ADAMTSL1: variants seen among roughly 807,000 people sequenced by gnomAD.
The protein encoded by ADAMTSL1 is ADAMTS-like protein 1.
Under a neutral mutation model 201.8 loss-of-function variants are expected in ADAMTSL1, and 126 were observed. That is an observed-to-expected ratio of 0.62 (90% CI 0.54 to 0.72). The LOEUF (loss-of-function observed/expected upper bound fraction) is 0.72, where lower values mean the gene tolerates loss of function less well. ADAMTSL1 is among the 30% of genes least tolerant of loss of function. ADAMTSL1 has a pLI of 0.00. For missense variants in ADAMTSL1, 2,679 were observed against 2,277.8 expected (o/e 1.18, Z -3.59); for synonymous variants, 1,121 against 903.4 (o/e 1.24, Z -4.32).
chr9:18,348,160 T>C (rs1226552007), intron 2 of ADAMTSL1, among the ~76,000 whole-genome samples: 2 of 152,184 alleles, frequency 1.3e-5, no homozygotes, highest in Non-Finnish European at 2.9e-5. Context: ...ATAGCCATTG[T>C]TGCTAATAGG....
At chr9:18,045,015 C>T (rs1343673212) in intron 1 of ADAMTSL1, among the ~76,000 whole-genome samples, 1 of 151,962 alleles carries the variant, frequency 6.6e-6, no homozygotes, top group Non-Finnish European at 1.5e-5. Context: ...AGGCCAAAGC[C>T]CTGTAGTGAG....
In ADAMTSL1 at chr9:18,817,288, G is replaced by C; in HGVS notation, c.3934+51G>C. 2.0e-6 allele frequency: 3 copies of C among 1,524,496 alleles called. No homozygotes were observed. In the East Asian group the frequency reaches 7.5e-5, roughly 38 times the overall value. The allele number at this position is 1,524,496 out of a possible 1,614,324, so 94.4% of individuals were successfully genotyped here. A position where few individuals can be genotyped will look rare whatever the true frequency, so the allele number is the denominator to read the frequency against. Reference sequence around the variant, plus strand: ...ACACGTTAATGGAGCCCTGTGCTAGGTTGGGGATACAAAGACAAATTAGAC... The same window carrying C: ...ACACGTTAATGGAGCCCTGTGCTAGCTTGGGGATACAAAGACAAATTAGAC... On this transcript the variant is annotated intron_variant, in intron 21 of 28. Transcript: ENST00000380548.
intron 2 of ADAMTSL1, among the ~76,000 whole-genome samples, chr9:18,253,768 C>T (rs75552987): frequency 0.014 from 2,125 of 152,148 alleles, 18 homozygotes; most frequent in Non-Finnish European, 0.022. Context: ...GTAGGAGCAG[C>T]CCCATAATTT....
chr9:18,185,538 A>T (rs1037971777), intron 2 of ADAMTSL1, among the ~76,000 whole-genome samples: 1 of 152,186 alleles, frequency 6.6e-6, no homozygotes, highest in Non-Finnish European at 1.5e-5. Context: ...GTAATTTGTT[A>T]TGCAGCATGG....
intron 23 of ADAMTSL1, among the ~76,000 whole-genome samples, chr9:18,863,973 T>C (rs1827359211): frequency 6.6e-6 from 1 of 152,198 alleles, no homozygotes; most frequent in Non-Finnish European, 1.5e-5. Context: ...TAAGTTTAAC[T>C]CTGTGAAAAA....
chr9:18,881,547 C>G (rs1446958920), intron 23 of ADAMTSL1, among the ~76,000 whole-genome samples: 1 of 152,038 alleles, frequency 6.6e-6, no homozygotes, highest in Non-Finnish European at 1.5e-5. Context: ...TCATGGTACC[C>G]CAAAACAATT....
intron 2 of ADAMTSL1, among the ~76,000 whole-genome samples, chr9:18,180,581 A>T (rs1242605769): frequency 3.3e-5 from 5 of 151,014 alleles, no homozygotes; most frequent in Non-Finnish European, 1.5e-5. Flanking sequence ...CTTACCAGGG[A>T]TGTGAAGGAC....
chr9:18,586,132 AG>A lies in ADAMTSL1; in HGVS notation c.474+11867del, dbSNP rs376246908. ...AAAGATAAAAAGCATCCAAATAGGA[AG>A]AAAGGAAGTCACACTATCTCTGTTT... On this transcript the variant is annotated intron_variant, in intron 4 of 28. Coordinates refer to ENST00000380548, the MANE Select transcript of ADAMTSL1 (RefSeq NM_001040272.6). Among the ~76,000 whole-genome samples the A allele has an allele frequency of 7.5e-3, 1,150 of 152,320 alleles. 15 individuals are homozygous for A. The highest frequency in any genetic ancestry group is 0.027 in the African/African-American group (1,106 of 41,560).
rs1301954008 is a variant in ADAMTSL1, at chr9:17,924,563, A to G, written c.87+17641A>G. Among the ~76,000 whole-genome samples, 4 of 150,566 alleles carry G rather than the reference A, an allele frequency of 2.7e-5. No individual in the cohort carries two copies. The East Asian group carries it at 7.8e-4, about 29-fold the overall frequency. On this transcript the variant is annotated intron_variant, in intron 1 of 29. Coordinates refer to the ADAMTSL1 transcript ENST00000680146. ...GAAATAACGCCGCATACCTACAACT[A>G]TCTGATCTTTGACAAACCTGAGAAA...
intron 1 of ADAMTSL1, among the ~76,000 whole-genome samples, chr9:17,998,743 A>G (rs1455946636): frequency 6.6e-6 from 1 of 152,000 alleles, no homozygotes; most frequent in East Asian, 1.9e-4. Context: ...CCTGTCTAGG[A>G]GGTAGGCTTC....
intron 19 of ADAMTSL1, among the ~76,000 whole-genome samples, chr9:18,778,549 T>A (rs1011877015): frequency 6.6e-6 from 1 of 152,320 alleles, no homozygotes; most frequent in South Asian, 2.1e-4. Flanking sequence ...TAATGTAGAA[T>A]CAATAGTGGT....
At chr9:18,371,282 C>G (rs958164303) in intron 2 of ADAMTSL1, among the ~76,000 whole-genome samples, 1 of 152,246 alleles carries the variant, frequency 6.6e-6, no homozygotes. Flanking sequence ...TTCAGCATAG[C>G]TATCATGCAT....
At chr9:18,342,830 C>T (rs1016546407) in intron 2 of ADAMTSL1, among the ~76,000 whole-genome samples, 1 of 152,116 alleles carries the variant, frequency 6.6e-6, no homozygotes, top group African/African-American at 2.4e-5. Flanking sequence ...TTAAAAGAAA[C>T]TGGACTCAAG....
intron 21 of ADAMTSL1, among the ~76,000 whole-genome samples, chr9:18,824,847 A>G (rs550596998): frequency 2.6e-4 from 40 of 151,812 alleles, no homozygotes; most frequent in South Asian, 6.3e-4. Context: ...ACAGGTGCCC[A>G]CCACCATGCC....
At chr9:18,285,897 G>C (rs1201863830) in intron 2 of ADAMTSL1, among the ~76,000 whole-genome samples, 1 of 151,964 alleles carries the variant, frequency 6.6e-6, no homozygotes, top group East Asian at 1.9e-4. Flanking sequence ...CAATTGACTG[G>C]GTTTTTTAGC....
intron 14 of ADAMTSL1, among the ~76,000 whole-genome samples, chr9:18,711,919 C>T (rs866783844): frequency 6.8e-6 from 1 of 147,354 alleles, no homozygotes; most frequent in South Asian, 2.1e-4. Context: ...CAGACTGCCT[C>T]CTCAAGTGGG....
In ADAMTSL1 at chr9:18,691,878, A is replaced by C. The variant is rs1381917356; in HGVS notation, c.1574+7078A>C. Among the ~76,000 whole-genome samples, 4 of 152,188 alleles carry C rather than the reference A, an allele frequency of 2.6e-5. No homozygotes were observed. The South Asian group carries it at 6.2e-4, about 24-fold the overall frequency. On this transcript the variant is annotated intron_variant, in intron 13 of 28. Transcript: ENST00000380548. Reference sequence around the variant, plus strand: ...TATGCAGGAAGTGCTATGTATATAAATTTTTGTTGTGATTAGGCCTTTTCT... The same window carrying C: ...TATGCAGGAAGTGCTATGTATATAACTTTTTGTTGTGATTAGGCCTTTTCT...
At chr9:18,061,691 T>C (rs974929387) in intron 1 of ADAMTSL1, among the ~76,000 whole-genome samples, 2 of 152,230 alleles carry the variant, frequency 1.3e-5, no homozygotes, top group African/African-American at 2.4e-5. Context: ...CTCATTGAAA[T>C]GAATTTGTCT....
intron 1 of ADAMTSL1, among the ~76,000 whole-genome samples, chr9:18,011,970 AAT>A (rs1195018814): frequency 6.6e-6 from 1 of 152,054 alleles, no homozygotes; most frequent in Non-Finnish European, 1.5e-5. Flanking sequence ...TCCTCCAGGA[AAT>A]GTTTCCCCAG....
Sources: gnomAD v4.1 joint callset for allele counts (sites outside exome capture counted in the v4.1 genomes callset) on GRCh38, gnomAD v4.1.1 for gene constraint, MANE v1.5 for transcripts, NCBI Gene and HGNC (gene_info 2026-07-23, HGNC 2026-07-21) for gene names.